Variants in ATRNL1 observed in about 807,000 individuals in gnomAD.
ATRNL1 encodes the protein attractin like 1.
In ATRNL1, 95 loss-of-function variants were observed where a neutral mutation model predicts 182.7. The ratio of observed to expected loss-of-function variants is 0.52; its 90% CI spans 0.44 to 0.62. The LOEUF (loss-of-function observed/expected upper bound fraction) is 0.62, where lower values mean the gene tolerates loss of function less well. Ranked by LOEUF, ATRNL1 falls within the 20% of genes least tolerant of loss-of-function variation. The pLI, the probability that ATRNL1 is intolerant of heterozygous loss-of-function variation, is 0.00. For synonymous variants in ATRNL1, 576 were observed against 568.3 expected (o/e 1.01, Z -0.19); for missense variants, 1,471 against 1,679.5 (o/e 0.88, Z 2.17).
intron 17 of ATRNL1, among the ~76,000 whole-genome samples, chr10:115,303,038 G>T (rs1455023310): frequency 6.6e-6 from 1 of 150,640 alleles, no homozygotes; most frequent in Admixed American, 6.6e-5. Context: ...CTGCTCTCAT[G>T]ACCTGTTTCT....
chr10:115,357,273 A>G, intron 19 of ATRNL1, among the ~76,000 whole-genome samples: 1 of 152,048 alleles, frequency 6.6e-6, no homozygotes. Flanking sequence ...TAAAACATTT[A>G]TTTAGTACAG....
At chr10:115,755,362 G>C (rs1948559039) in intron 27 of ATRNL1, among the ~76,000 whole-genome samples, 1 of 152,118 alleles carries the variant, frequency 6.6e-6, no homozygotes, top group African/African-American at 2.4e-5. Flanking sequence ...CTAGTTTATT[G>C]AGAGTTTTTA....
intron 9 of ATRNL1, among the ~76,000 whole-genome samples, chr10:115,232,371 C>T (rs1174743042): frequency 6.6e-6 from 1 of 152,032 alleles, no homozygotes; most frequent in African/African-American, 2.4e-5. Context: ...AACATCTTTT[C>T]ATATTTATTG....
intron 27 of ATRNL1, among the ~76,000 whole-genome samples, chr10:115,797,388 C>A (rs990865727): frequency 9.9e-5 from 15 of 152,092 alleles, no homozygotes; most frequent in African/African-American, 3.4e-4. Flanking sequence ...TACACTCAGG[C>A]ACTGGGATAC....
chr10:115,292,848 C>A (rs1267567994), intron 15 of ATRNL1, among the ~76,000 whole-genome samples: 2 of 152,060 alleles, frequency 1.3e-5, no homozygotes, highest in Non-Finnish European at 2.9e-5. Flanking sequence ...GTACAGTGTT[C>A]TGTAAATGTC....
intron 19 of ATRNL1, among the ~76,000 whole-genome samples, chr10:115,382,784 A>T (rs1858097850): frequency 6.6e-6 from 1 of 150,732 alleles, no homozygotes; most frequent in Admixed American, 6.6e-5. Flanking sequence ...TCCATGTCTC[A>T]TTCCTGATTG....
intron 10 of ATRNL1, among the ~76,000 whole-genome samples, chr10:115,248,844 T>A (rs989102923): frequency 6.6e-6 from 1 of 152,186 alleles, no homozygotes; most frequent in Admixed American, 6.5e-5. Flanking sequence ...CATCCAGAAA[T>A]GTAATTTTCT....
At chr10:115,747,682 T>C (rs1218624773) in intron 27 of ATRNL1, among the ~76,000 whole-genome samples, 1 of 152,068 alleles carries the variant, frequency 6.6e-6, no homozygotes, top group Non-Finnish European at 1.5e-5. Flanking sequence ...ATCTTCACTA[T>C]TCCAACTAGT....
At chr10:115,536,044 T>G (rs1185580230) in intron 25 of ATRNL1, among the ~76,000 whole-genome samples, 1 of 151,932 alleles carries the variant, frequency 6.6e-6, no homozygotes, top group Non-Finnish European at 1.5e-5. Flanking sequence ...CAGTTAGGCT[T>G]CTCGGGGGTC....
intron 26 of ATRNL1, among the ~76,000 whole-genome samples, chr10:115,714,798 G>GA (rs1555055844): frequency 1.3e-5 from 2 of 151,690 alleles, no homozygotes; most frequent in Admixed American, 1.3e-4. Flanking sequence ...ATATTTATGG[G>GA]AAAATTCATG....
At chr10:115,261,278 TA>T (rs1252960104) in intron 10 of ATRNL1, among the ~76,000 whole-genome samples, 2 of 152,188 alleles carry the variant, frequency 1.3e-5, no homozygotes, top group African/African-American at 2.4e-5. Context: ...AATTATTTTT[TA>T]GAATTGCAGA....
chr10:115,386,214 T>A (rs1858340541), intron 19 of ATRNL1, among the ~76,000 whole-genome samples: 2 of 152,222 alleles, frequency 1.3e-5, no homozygotes, highest in Non-Finnish European at 1.5e-5. Context: ...TTTAGATATT[T>A]AAAAATCCTT....
chr10:115,870,007 C>T lies in ATRNL1; in HGVS notation c.4018+22016C>T, dbSNP rs146619290. On this transcript the variant is annotated intron_variant, in intron 28 of 28. Coordinates refer to ENST00000355044, the MANE Select transcript of ATRNL1 (RefSeq NM_207303.4). ...TTTTTTTTTTTGGTGTTATAAATAA[C>T]GCCATGAAAAAGATTTCTGGGTAAA... Among the ~76,000 whole-genome samples, 462 of 92,104 alleles carry T rather than the reference C, an allele frequency of 5.0e-3. 3 individuals are homozygous for T. The highest frequency in any genetic ancestry group is 0.019 in the African/African-American group (432 of 23,154). 60.4% of individuals were successfully genotyped at this position (92,104 alleles called of 152,430 possible).
At chr10:115,683,554 T>TTTTA (rs1555045388) in intron 26 of ATRNL1, among the ~76,000 whole-genome samples, 1 of 143,914 alleles carries the variant, frequency 6.9e-6, no homozygotes, top group Non-Finnish European at 1.5e-5. Flanking sequence ...TAGCGTTTTT[T>TTTTA]TTTTTTTTTT....
At position 115,120,185 on chromosome 10, in the gene ATRNL1, G is replaced by A; in HGVS notation, c.294G>A (p.Lys98=). 1 of 1,495,696 alleles carries A rather than the reference G, an allele frequency of 6.7e-7. No individual in the cohort carries two copies. The highest frequency in any genetic ancestry group is 1.7e-5 in the Admixed American group (1 of 57,182). The allele number at this position is 1,495,696 out of a possible 1,614,324, so 92.7% of individuals were successfully genotyped here. Residue 98 remains lysine (K), a splice_region_variant and synonymous_variant, in exon 2 of 29, where the codon AAG becomes AAA. Transcript: ENST00000355044. The stretch of plus-strand genomic sequence containing the variant: ...TTCATTATTTTATTTTCTCTTCCAG[G>A]TTAACAGAACCTTCTGGATATTTAA... The part of the protein sequence containing the change: ...DQCQHCQGRF[K]LTEPSGYLTD...
At chr10:115,203,814 C>G (rs1848696760) in intron 8 of ATRNL1, among the ~76,000 whole-genome samples, 1 of 134,506 alleles carries the variant, frequency 7.4e-6, no homozygotes, top group Non-Finnish European at 1.5e-5. Flanking sequence ...CTAGGCTGCT[C>G]TTGAACTCCT....
chr10:115,553,981 A>G (rs561503245), intron 26 of ATRNL1, among the ~76,000 whole-genome samples: 1 of 151,656 alleles, frequency 6.6e-6, no homozygotes, highest in South Asian at 2.1e-4. Flanking sequence ...CAGAATAAAA[A>G]CATTAAGGAA....
intron 28 of ATRNL1, among the ~76,000 whole-genome samples, chr10:115,916,852 C>T (rs1952869906): frequency 6.6e-6 from 1 of 152,132 alleles, no homozygotes; most frequent in Non-Finnish European, 1.5e-5. Flanking sequence ...CTTTGAGATA[C>T]CCAGAATCCG....
intron 26 of ATRNL1, among the ~76,000 whole-genome samples, chr10:115,632,564 A>G (rs1858581927): frequency 6.6e-6 from 1 of 152,192 alleles, no homozygotes; most frequent in Non-Finnish European, 1.5e-5. Flanking sequence ...TCACTCAAAT[A>G]TGTAGATGAT....
Sources: gnomAD v4.1 joint callset for allele counts (sites outside exome capture counted in the v4.1 genomes callset) on GRCh38, gnomAD v4.1.1 for gene constraint, MANE v1.5 for transcripts, NCBI Gene and HGNC (gene_info 2026-07-23, HGNC 2026-07-21) for gene names.